RPS6KA3: variants seen among roughly 807,000 people sequenced by gnomAD.
RPS6KA3 encodes ribosomal protein S6 kinase alpha-3.
In RPS6KA3, 4 loss-of-function variants were observed where a neutral mutation model predicts 67.2. The ratio of observed to expected loss-of-function variants is 0.06; its 90% confidence interval spans 0.03 to 0.14. The LOEUF (loss-of-function observed/expected upper bound fraction) is 0.14. RPS6KA3 is among the 10% of genes least tolerant of loss of function. The pLI is 1.00. For missense variants in RPS6KA3, 204 were observed against 559.0 expected (o/e 0.36, Z 6.40); for synonymous variants, 182 against 183.7 (o/e 0.99, Z 0.07).
chrX:20,207,428 A>G (rs1296956487), intron 3 of RPS6KA3, among the ~76,000 whole-genome samples: 1 of 112,501 alleles, frequency 8.9e-6, no homozygotes, highest in Non-Finnish European at 1.9e-5. Context: ...ATAGAAAAAG[A>G]GTAAGCAGCT....
intron 2 of RPS6KA3, among the ~76,000 whole-genome samples, chrX:20,233,037 G>A (rs189626674): frequency 1.8e-5 from 2 of 111,565 alleles, no homozygotes; most frequent in Admixed American, 9.5e-5. Flanking sequence ...TCGGGAGGCT[G>A]AGGCAGGAGA....
intron 2 of RPS6KA3, among the ~76,000 whole-genome samples, chrX:20,222,741 C>T (rs191888139): frequency 3.7e-4 from 41 of 111,351 alleles, no homozygotes; most frequent in African/African-American, 1.2e-3. Flanking sequence ...GTGTCCAATG[C>T]GGTATCATTA....
At chrX:20,229,336 C>T (rs1037011767) in intron 2 of RPS6KA3, among the ~76,000 whole-genome samples, 6 of 112,170 alleles carry the variant, frequency 5.3e-5, no homozygotes, top group Non-Finnish European at 7.5e-5. Context: ...AGCTGACGAC[C>T]TCCATACATA....
At chrX:20,186,872 C>T (rs1471774636) in intron 9 of RPS6KA3, among the ~76,000 whole-genome samples, 2 of 111,888 alleles carry the variant, frequency 1.8e-5, no homozygotes, top group African/African-American at 6.5e-5. Flanking sequence ...CTTACTCTGT[C>T]ACCCAGGCTG....
chrX:20,188,605 T>A, intron 7 of RPS6KA3, 71 bp from the exon 8 acceptor site: 1 of 549,689 alleles, frequency 1.8e-6, no homozygotes, highest in Non-Finnish European at 3.1e-6. Flanking sequence ...TGAAATTACA[T>A]CCTTAAGCAT....
intron 17 of RPS6KA3, among the ~76,000 whole-genome samples, chrX:20,165,291 C>A (rs1000280622): frequency 1.8e-5 from 2 of 111,705 alleles, no homozygotes; most frequent in Non-Finnish European, 3.8e-5. Context: ...CTTTGTCCAA[C>A]TGAGTAATTG....
chrX:20,194,482 A>G (rs181879253), intron 5 of RPS6KA3, among the ~76,000 whole-genome samples: 1 of 111,851 alleles, frequency 8.9e-6, no homozygotes, highest in African/African-American at 3.2e-5. Flanking sequence ...TCAACAGGCA[A>G]GTCACTCAGG....
chrX:20,266,685 C>G lies in RPS6KA3; in HGVS notation c.-53G>C, dbSNP rs1391068191. The stretch of plus-strand genomic sequence containing the variant: ...GCCTCCTCCCTCCCCGCCCGCCCCA[C>G]GGCCGGCCCCGCTCCGTCGCCGCCC... On this transcript the variant is annotated 5_prime_UTR_variant, in exon 1 of 22. Transcript: ENST00000379565. The G allele has an allele frequency of 1.0e-6, 1 of 959,521 alleles. No individual in the cohort carries two copies. The highest frequency in any genetic ancestry group is 2.1e-5 in the African/African-American group (1 of 47,963). The allele number at this position is 959,521 out of a possible 1,213,427, so 79.1% of individuals were successfully genotyped here.
chrX:20,194,166 A>G, intron 6 of RPS6KA3, 23 bp downstream of exon 6: 1 of 1,002,439 alleles, frequency 1.0e-6, no homozygotes, highest in East Asian at 3.1e-5. Context: ...TAAATAGACT[A>G]AAAATAGAGA....
intron 10 of RPS6KA3, among the ~76,000 whole-genome samples, chrX:20,177,826 C>T (rs749114380): frequency 8.9e-6 from 1 of 112,238 alleles, no homozygotes; most frequent in South Asian, 3.7e-4. Context: ...TTTCTATTCC[C>T]TTTAACAGCC....
At chrX:20,220,604 A>G (rs2068965951) in intron 2 of RPS6KA3, among the ~76,000 whole-genome samples, 1 of 112,287 alleles carries the variant, frequency 8.9e-6, no homozygotes, top group Non-Finnish European at 1.9e-5. Flanking sequence ...ATATTTTTAA[A>G]CATGAGCAAC....
intron 2 of RPS6KA3, among the ~76,000 whole-genome samples, chrX:20,227,672 T>A (rs903588752): frequency 1.3e-4 from 14 of 109,425 alleles, no homozygotes; most frequent in African/African-American, 4.7e-4. Context: ...ATGGTCCTCA[T>A]TTTGGAAAAT....
rs1231075171 is a variant in RPS6KA3, at chrX:20,180,153, A to C, written c.846-3069T>G. Among the ~76,000 whole-genome samples, 4 of 109,934 alleles carry C rather than the reference A, an allele frequency of 3.6e-5. No homozygotes were observed. In the Admixed American group the frequency reaches 3.9e-4, roughly 11 times the overall value. On this transcript the variant is annotated intron_variant, in intron 10 of 21. Transcript: ENST00000379565. ...AATTCATCACTTTTGAATTCCTTAT[A>C]AAATAACTGTTTCAAGTAATGATTA... is the stretch of plus-strand genomic sequence containing the variant.
intron 2 of RPS6KA3, among the ~76,000 whole-genome samples, chrX:20,212,871 A>G (rs1485061163): frequency 8.9e-6 from 1 of 112,153 alleles, no homozygotes; most frequent in Non-Finnish European, 1.9e-5. Context: ...CAGTGGTATC[A>G]TCAAGGTATA....
intron 2 of RPS6KA3, among the ~76,000 whole-genome samples, chrX:20,224,112 C>A (rs1404893564): frequency 1.2e-5 from 1 of 82,142 alleles, no homozygotes; most frequent in Non-Finnish European, 2.0e-5. Flanking sequence ...ATTATCCACA[C>A]TGGATGAAAC....
intron 2 of RPS6KA3, among the ~76,000 whole-genome samples, chrX:20,230,555 T>C (rs2069232890): frequency 9.0e-6 from 1 of 111,229 alleles, no homozygotes; most frequent in Non-Finnish European, 1.9e-5. Context: ...TACATTTGAG[T>C]GACTGGACTT....
At chrX:20,236,673 A>C (rs1255656506) in intron 1 of RPS6KA3, among the ~76,000 whole-genome samples, 1 of 111,733 alleles carries the variant, frequency 8.9e-6, no homozygotes, top group Non-Finnish European at 1.9e-5. Flanking sequence ...TAGATGAGGG[A>C]ATGCCTATAT....
upstream of RPS6KA3, chrX:20,267,062 C>T: frequency 1.3e-6 from 1 of 755,159 alleles, no homozygotes. Context: ...CGAGGCTCGG[C>T]CGCCGCCACC....
chrX:20,235,272 GA>G (rs2069378249), intron 1 of RPS6KA3, among the ~76,000 whole-genome samples: 1 of 110,781 alleles, frequency 9.0e-6, no homozygotes, highest in Non-Finnish European at 1.9e-5. Flanking sequence ...ATTTAGATGT[GA>G]AAAAATAAAA....
Sources: allele counts gnomAD v4.1 joint callset (sites outside exome capture counted in the v4.1 genomes callset), GRCh38; gene constraint gnomAD v4.1.1; transcripts MANE v1.5; gene names NCBI Gene and HGNC (gene_info 2026-07-23, HGNC 2026-07-21).